Variants in PODXL2 observed in about 807,000 individuals in gnomAD.
PODXL2 encodes podocalyxin like 2.
PODXL2 carries 17 observed loss-of-function variants against 53.4 expected under a neutral mutation model. That is an observed-to-expected ratio of 0.32 (90% CI 0.22 to 0.48). The LOEUF is 0.48. Ranked by LOEUF, PODXL2 falls within the 20% of genes least tolerant of loss-of-function variation. PODXL2 has a pLI of 0.99. For synonymous variants in PODXL2, 311 were observed against 306.7 expected (o/e 1.01, Z -0.15); for missense variants, 673 against 760.0 (o/e 0.89, Z 1.35).
chr3:127,669,125 G>A lies in PODXL2; in HGVS notation c.1364-16G>A, dbSNP rs377634543. 9 of 1,589,840 alleles carry A rather than the reference G, an allele frequency of 5.7e-6. No individual in the cohort carries two copies. The highest frequency in any genetic ancestry group is 6.9e-6 in the Non-Finnish European group (8 of 1,165,960). ...CAGCCATGGTCACACTGATAGTGGTGTTTCTTACCCCCCAGGGGTGGTGCC... is the reference window on the plus strand; with the variant it reads ...CAGCCATGGTCACACTGATAGTGGTATTTCTTACCCCCCAGGGGTGGTGCC... On this transcript the variant is annotated splice_polypyrimidine_tract_variant and intron_variant, in intron 5 of 7. Coordinates refer to ENST00000342480, the MANE Select transcript of PODXL2 (RefSeq NM_015720.4).
intron 2 of PODXL2, among the ~76,000 whole-genome samples, chr3:127,650,632 T>C (rs547511833): frequency 6.6e-6 from 1 of 152,266 alleles, no homozygotes; most frequent in Non-Finnish European, 1.5e-5. Context: ...TTTGTAACAC[T>C]CTTTTTTGTT....
At chr3:127,642,080 C>T (rs997449920) in intron 2 of PODXL2, among the ~76,000 whole-genome samples, 7 of 151,542 alleles carry the variant, frequency 4.6e-5, no homozygotes, top group South Asian at 2.1e-4. Context: ...TCATGAGGTC[C>T]GGAGTTCGAG....
intron 1 of PODXL2, among the ~76,000 whole-genome samples, chr3:127,631,222 G>C (rs1363742242): frequency 6.6e-6 from 1 of 152,186 alleles, no homozygotes; most frequent in Non-Finnish European, 1.5e-5. Context: ...CTGTGTGACA[G>C]ATGCTGCAGG....
Position 127,639,423 on chromosome 3 carries a change from C to T in PODXL2, c.249C>T (p.Ser83=), listed in dbSNP as rs201082204. The change falls in exon 2 of 8, where the codon AGC becomes AGT. Residue 83 remains serine, a synonymous_variant. Transcript: ENST00000342480. The part of the protein sequence containing the change: ...GLGAPGSGFP[S]EENEESRILQ... ...GAGCCCCTGGCTCAGGCTTCCCCAG[C>T]GAAGAGAATGAAGAGTCTCGGATTC... is the stretch of plus-strand genomic sequence containing the variant. The T allele has an allele frequency of 2.6e-4, 415 of 1,614,118 alleles. 1 individual carries two copies. Among genetic ancestry groups the T allele is most frequent in the Non-Finnish European group, 3.3e-4 (389 of 1,180,026 alleles).
chr3:127,661,236 TG>T (rs2074765804), intron 3 of PODXL2, 77 bp downstream of exon 3: 10 of 1,152,690 alleles, frequency 8.7e-6, no homozygotes. Context: ...TAGTGTGGCA[TG>T]GGGGCAGGAT....
At position 127,651,242 on chromosome 3, in the gene PODXL2, GAC is replaced by G. The variant is rs558249545; in HGVS notation, c.350-9134_350-9133del. On this transcript the variant is annotated intron_variant, in intron 2 of 7. Coordinates refer to ENST00000342480, the MANE Select transcript of PODXL2 (RefSeq NM_015720.4). Reference sequence around the variant, plus strand: ...CGTGCCATTGCACTCCAGCCTGGGCGACAGACTAAGACTCCATCTCAAAACAA... The same window carrying G: ...CGTGCCATTGCACTCCAGCCTGGGCGAGACTAAGACTCCATCTCAAAACAA... Among the ~76,000 whole-genome samples the G allele has an allele frequency of 2.4e-3, 361 of 152,308 alleles. 2 individuals are homozygous for G. Among genetic ancestry groups the G allele is most frequent in the African/African-American group, 7.9e-3 (327 of 41,580 alleles).
At chr3:127,633,597 G>A (rs1178560387) in intron 1 of PODXL2, among the ~76,000 whole-genome samples, 4 of 152,028 alleles carry the variant, frequency 2.6e-5, no homozygotes, top group Non-Finnish European at 4.4e-5. Context: ...CAAGAGGGTT[G>A]GATTAGACTA....
chr3:127,641,874 G>T (rs1431465314), intron 2 of PODXL2, among the ~76,000 whole-genome samples: 1 of 152,088 alleles, frequency 6.6e-6, no homozygotes, highest in African/African-American at 2.4e-5. Context: ...TATTAAACTG[G>T]TTCCCTACTG....
intron 4 of PODXL2, among the ~76,000 whole-genome samples, chr3:127,668,122 G>A (rs1387136560): frequency 3.3e-5 from 5 of 151,546 alleles, no homozygotes; most frequent in African/African-American, 1.2e-4. Flanking sequence ...GTGTGTGTGT[G>A]TGTGTGTGTG....
intron 3 of PODXL2, 37 bp from the exon 4 acceptor site, chr3:127,662,200 T>C: frequency 6.3e-7 from 1 of 1,586,838 alleles, no homozygotes; most frequent in Non-Finnish European, 8.7e-7. Context: ...TCCTATGCCT[T>C]CGTAACTGTC....
intron 2 of PODXL2, among the ~76,000 whole-genome samples, chr3:127,653,527 T>TC (rs563583723): frequency 8.4e-4 from 128 of 151,986 alleles, no homozygotes; most frequent in African/African-American, 2.6e-3. Flanking sequence ...GTGCCTATAG[T>TC]CCCAGCTACT....
At chr3:127,670,432 G>GACCTTT (rs1431617038) in intron 6 of PODXL2, among the ~76,000 whole-genome samples, 1 of 152,172 alleles carries the variant, frequency 6.6e-6, no homozygotes, top group African/African-American at 2.4e-5. Flanking sequence ...GGCTAACCTT[G>GACCTTT]ACCTTTTATA....
intron 4 of PODXL2, among the ~76,000 whole-genome samples, chr3:127,665,058 T>G (rs2074788363): frequency 6.6e-6 from 1 of 152,174 alleles, no homozygotes; most frequent in Admixed American, 6.5e-5. Flanking sequence ...ATGGTCAAAA[T>G]CAGGAATTAG....
chr3:127,662,784 T>C (rs909140746), intron 4 of PODXL2, among the ~76,000 whole-genome samples: 1 of 151,964 alleles, frequency 6.6e-6, no homozygotes, highest in Admixed American at 6.6e-5. Flanking sequence ...CTCATGAGAG[T>C]GGTCTGGCTG....
intron 2 of PODXL2, among the ~76,000 whole-genome samples, chr3:127,640,639 T>G (rs1425496062): frequency 6.6e-6 from 1 of 151,836 alleles, no homozygotes; most frequent in African/African-American, 2.4e-5. Context: ...AGGTGGAGGT[T>G]GCAGTGAGCT....
rs113256295 is a variant in PODXL2, at chr3:127,635,620, G to C, written c.71-3625G>C. On this transcript the variant is annotated intron_variant, in intron 1 of 7. Transcript: ENST00000342480. ...TCTCAGTTCTTAAGATCTGATCCCT[G>C]GACAGAAGCATCACCTGGGAACTTG... is the stretch of plus-strand genomic sequence containing the variant. Among the ~76,000 whole-genome samples, 559 of 152,292 alleles carry C rather than the reference G, an allele frequency of 3.7e-3. 6 individuals carry two copies. Among genetic ancestry groups the C allele is most frequent in the South Asian group, 0.019 (92 of 4,830 alleles).
chr3:127,635,103 G>T (rs1219821284), intron 1 of PODXL2, among the ~76,000 whole-genome samples: 1 of 152,208 alleles, frequency 6.6e-6, no homozygotes. Flanking sequence ...GTCTACCCTA[G>T]AGAAAGGGAA....
chr3:127,668,716 A>T (rs2074811887), intron 5 of PODXL2, 119 bp downstream of exon 5: 1 of 996,296 alleles, frequency 1.0e-6, no homozygotes, highest in Non-Finnish European at 1.4e-6. Flanking sequence ...CCAGGACAGT[A>T]GTTTGAGCTA....
Position 127,668,603 on chromosome 3 carries a change from C to T in PODXL2, c.1363+6C>T, listed in dbSNP as rs116213104. 24,036 of 1,514,288 alleles carry T rather than the reference C, an allele frequency of 0.016. 222 individuals are homozygous for T. Among genetic ancestry groups the T allele is most frequent in the Middle Eastern group, 0.031 (167 of 5,348 alleles). The allele number at this position is 1,514,288 out of a possible 1,614,324, so 93.8% of individuals were successfully genotyped here. ...GACACTGGTGGGCGAGCAGGGTGAG[C>T]GAGGGCAGGTGATGGGAGGGCCCAG... is the stretch of plus-strand genomic sequence containing the variant. On this transcript the variant is annotated splice_donor_region_variant and intron_variant, in intron 5 of 7. Coordinates refer to ENST00000342480, the MANE Select transcript of PODXL2 (RefSeq NM_015720.4).
Sources: allele counts gnomAD v4.1 joint callset (sites outside exome capture counted in the v4.1 genomes callset), GRCh38; gene constraint gnomAD v4.1.1; transcripts MANE v1.5; gene names NCBI Gene and HGNC (gene_info 2026-07-23, HGNC 2026-07-21).